The following PARD3B variants were observed in gnomAD, a reference collection of about 807,000 sequenced individuals.
PARD3B encodes the protein par-3 family cell polarity regulator beta, also known as partitioning defective 3 homolog B.
A neutral mutation model predicts 130.2 loss-of-function variants in PARD3B; 103 were observed. That is an observed-to-expected ratio of 0.79 (90% CI 0.67 to 0.93). The LOEUF (loss-of-function observed/expected upper bound fraction) is 0.93, where lower values mean the gene tolerates loss of function less well. Among genes scored for constraint, PARD3B ranks in the 40% least tolerant of loss-of-function variants. PARD3B has a pLI of 0.00. For missense variants in PARD3B, 1,609 were observed against 1,499.2 expected, an observed-to-expected ratio of 1.07 and a Z score of -1.21; for synonymous variants, 583 against 553.2, an observed-to-expected ratio of 1.05 and a Z score of -0.76.
chr2:205,236,492 C>G (rs751739559), intron 15 of PARD3B, among the ~76,000 whole-genome samples: 10 of 152,150 alleles, frequency 6.6e-5, no homozygotes, highest in Non-Finnish European at 1.5e-4. Flanking sequence ...CATCTACGAG[C>G]CAAGGAGAGA....
rs188194786 is a variant in PARD3B, at chr2:204,611,698, T to A, written c.120+65579T>A. ...AGCAGTCCCATATTCTTAATGTTCT[T>A]ACTATATACATGTATGGACTAATTC... On this transcript the variant is annotated intron_variant, in intron 1 of 22. Coordinates refer to ENST00000406610, the MANE Select transcript of PARD3B (RefSeq NM_001302769.2). Among the ~76,000 whole-genome samples the A allele has an allele frequency of 2.6e-5, 4 of 152,308 alleles. No individual in the cohort carries two copies. In the East Asian group the frequency reaches 7.7e-4, roughly 29 times the overall value.
At chr2:205,171,887 C>T (rs13414653) in intron 11 of PARD3B, among the ~76,000 whole-genome samples, 25,895 of 152,130 alleles carry the variant, frequency 0.17, 2,343 homozygotes, top group Middle Eastern at 0.22. Context: ...ACATGGTCTC[C>T]GCCAGAGCAA....
chr2:204,906,381 TC>T lies in PARD3B; in HGVS notation c.223-58766del, dbSNP rs2047042686. ...GTAGTTAGAATGCTAAAGCCCATTT[TC>T]CCCCTTTGTTTTCTCTTTTCATTGG... On this transcript the variant is annotated intron_variant, in intron 2 of 22. Coordinates refer to ENST00000406610, the MANE Select transcript of PARD3B (RefSeq NM_001302769.2). This position sits in a 1 kb window ranked among gnomAD's most constrained non-coding sequence, Gnocchi z 4.3. Among the ~76,000 whole-genome samples, 1 of 152,128 alleles carries T rather than the reference TC, an allele frequency of 6.6e-6. No homozygotes were observed. The highest frequency in any genetic ancestry group is 1.5e-5 in the Non-Finnish European group (1 of 67,996).
chr2:205,319,453 T>C (rs57751199), intron 18 of PARD3B, among the ~76,000 whole-genome samples: 14 of 152,336 alleles, frequency 9.2e-5, no homozygotes, highest in Non-Finnish European at 1.6e-4. Flanking sequence ...TTGAACCTTG[T>C]GTATCTTATC....
chr2:204,782,950 C>G (rs1464577977), intron 2 of PARD3B, among the ~76,000 whole-genome samples: 1 of 151,986 alleles, frequency 6.6e-6, no homozygotes, highest in Non-Finnish European at 1.5e-5. Flanking sequence ...TCTTCCAGAT[C>G]TATTATTCTT....
At chr2:204,766,165 A>G (rs1169702501) in intron 2 of PARD3B, among the ~76,000 whole-genome samples, 3 of 152,170 alleles carry the variant, frequency 2.0e-5, no homozygotes, top group Non-Finnish European at 4.4e-5. Context: ...AGAACAGTGA[A>G]ACAGAGGTGA....
intron 1 of PARD3B, among the ~76,000 whole-genome samples, chr2:204,679,648 A>G (rs929100488): frequency 2.6e-5 from 4 of 151,792 alleles, no homozygotes; most frequent in Non-Finnish European, 4.4e-5. Context: ...ATTTTATGCT[A>G]TTGTAAATGT....
At chr2:205,529,208 T>C (rs1249531339) in intron 21 of PARD3B, among the ~76,000 whole-genome samples, 1 of 152,170 alleles carries the variant, frequency 6.6e-6, no homozygotes, top group African/African-American at 2.4e-5. Flanking sequence ...TGAAAGAAAA[T>C]AGCTGACAGC....
intron 2 of PARD3B, among the ~76,000 whole-genome samples, chr2:204,883,439 A>G (rs1235985752): frequency 5.0e-5 from 5 of 100,844 alleles, no homozygotes; most frequent in African/African-American, 2.5e-4. Context: ...TATAAAATAT[A>G]TATATATATA....
intron 1 of PARD3B, among the ~76,000 whole-genome samples, chr2:204,592,051 G>A (rs1350299281): frequency 2.6e-5 from 4 of 152,236 alleles, no homozygotes; most frequent in South Asian, 2.1e-4. Flanking sequence ...AGTCAAGGTG[G>A]ACAGCTATCA....
intron 18 of PARD3B, among the ~76,000 whole-genome samples, chr2:205,373,723 G>C (rs1367980232): frequency 6.6e-6 from 1 of 152,172 alleles, no homozygotes; most frequent in Non-Finnish European, 1.5e-5. Flanking sequence ...TAAATACGTT[G>C]TTGATTTTTC....
chr2:205,593,386 T>G (rs1432177926), intron 22 of PARD3B, among the ~76,000 whole-genome samples: 7 of 152,238 alleles, frequency 4.6e-5, no homozygotes, highest in Non-Finnish European at 1.5e-5. Context: ...AAACCCCAAC[T>G]GAGTGAGTGC....
intron 19 of PARD3B, among the ~76,000 whole-genome samples, chr2:205,406,166 A>G (rs2046410701): frequency 6.6e-6 from 1 of 152,208 alleles, no homozygotes; most frequent in Non-Finnish European, 1.5e-5. Flanking sequence ...GAACTGTCAC[A>G]TAGAGATTAG....
chr2:205,242,336 G>C (rs541955657), intron 15 of PARD3B, among the ~76,000 whole-genome samples: 1 of 152,282 alleles, frequency 6.6e-6, no homozygotes, highest in Admixed American at 6.5e-5. Context: ...AAGTTAAGAA[G>C]ATAATTTGTT....
intron 11 of PARD3B, among the ~76,000 whole-genome samples, chr2:205,161,696 A>G (rs1295394764): frequency 1.3e-5 from 2 of 152,282 alleles, no homozygotes; most frequent in East Asian, 3.9e-4. Context: ...TCTGGGGCAG[A>G]GGAGAGATCA....
intron 15 of PARD3B, among the ~76,000 whole-genome samples, chr2:205,233,946 T>C (rs891656339): frequency 1.7e-4 from 26 of 152,310 alleles, no homozygotes; most frequent in Admixed American, 1.6e-3. Flanking sequence ...TGATGAACTG[T>C]CTGTAAGTCT....
chr2:205,157,190 A>G (rs1394945691), intron 10 of PARD3B, among the ~76,000 whole-genome samples: 3 of 152,216 alleles, frequency 2.0e-5, no homozygotes, highest in African/African-American at 4.8e-5. Flanking sequence ...GGAAACATAA[A>G]TGGTTTTGAA....
At chr2:205,260,638 A>AT (rs1419822010) in intron 16 of PARD3B, among the ~76,000 whole-genome samples, 6 of 152,238 alleles carry the variant, frequency 3.9e-5, no homozygotes, top group African/African-American at 1.2e-4. Context: ...TCACTTTCAT[A>AT]TAATTTCTTG....
chr2:205,415,158 G>A (rs1344984532), intron 19 of PARD3B, among the ~76,000 whole-genome samples: 2 of 152,064 alleles, frequency 1.3e-5, no homozygotes, highest in African/African-American at 4.8e-5. Context: ...CAAGATCATA[G>A]CTTTAACAAA....
Sources: allele counts gnomAD v4.1 joint callset (sites outside exome capture counted in the v4.1 genomes callset), GRCh38; gene constraint gnomAD v4.1.1; non-coding constraint Gnocchi (gnomAD v3.1); transcripts MANE v1.5; gene names NCBI Gene and HGNC (gene_info 2026-07-23, HGNC 2026-07-21).